DSE: variants seen among roughly 807,000 people sequenced by gnomAD.
DSE encodes dermatan sulfate epimerase, also known as dermatan-sulfate epimerase.
In DSE, 36 loss-of-function variants were observed where a neutral mutation model predicts 84.4. The ratio of observed to expected loss-of-function variants is 0.43; its 90% CI spans 0.33 to 0.56. The LOEUF (loss-of-function observed/expected upper bound fraction) is 0.56, where lower values mean the gene tolerates loss of function less well. Among genes scored for constraint, DSE ranks in the 20% least tolerant of loss-of-function variants. The probability of loss-of-function intolerance (pLI) is 0.06; values close to 1 mark genes in which losing one functional copy is unlikely to be tolerated. For synonymous variants in DSE, 410 were observed against 430.1 expected (o/e 0.95, Z 0.58); for missense variants, 862 against 1,169.6 (o/e 0.74, Z 3.84).
At chr6:116,394,809 C>A (rs1393267406) in intron 1 of DSE, among the ~76,000 whole-genome samples, 2 of 152,130 alleles carry the variant, frequency 1.3e-5, no homozygotes, top group Non-Finnish European at 2.9e-5. Flanking sequence ...AAGAGAATTT[C>A]AGGGGACATG....
At chr6:116,300,380 AAAG>A (rs1276006591) in intron 2 of DSE, among the ~76,000 whole-genome samples, 6 of 152,364 alleles carry the variant, frequency 3.9e-5, no homozygotes, top group Non-Finnish European at 5.9e-5. Context: ...TGCAAAAATG[AAAG>A]AAGAAAAGCC....
At chr6:116,418,864 A>G (rs1357543651) in intron 2 of DSE, among the ~76,000 whole-genome samples, 1 of 152,174 alleles carries the variant, frequency 6.6e-6, no homozygotes, top group East Asian at 1.9e-4. Context: ...CTCCTATCCA[A>G]ATTGCTTTTT....
In DSE at chr6:116,441,914, T is replaced by C. The variant is rs483981; in HGVS notation, c.*4569T>C. The stretch of plus-strand genomic sequence containing the variant: ...AATAGGAATAATAAAAGCTGGCCCT[T>C]GTATAGTTTATGTTCTAGTGGGAGC... On this transcript the variant is annotated 3_prime_UTR_variant, in exon 6 of 6. Transcript: ENST00000644252. The C allele has an allele frequency of 0.82, 124,547 of 152,152 alleles. 51,849 individuals carry two copies. The highest frequency in any genetic ancestry group is 0.95 in the African/African-American group (39,448 of 41,532). The allele number at this position is 152,152 out of a possible 1,614,324, so 9.4% of individuals were successfully genotyped here. A position where few individuals can be genotyped will look rare whatever the true frequency, so the allele number is the denominator to read the frequency against.
chr6:116,360,321 G>C (rs1434731901), intron 2 of DSE, among the ~76,000 whole-genome samples: 2 of 152,100 alleles, frequency 1.3e-5, no homozygotes, highest in Non-Finnish European at 2.9e-5. Context: ...AACACATCCT[G>C]CACATGTACC....
chr6:116,418,477 A>G (rs111252428), intron 2 of DSE, among the ~76,000 whole-genome samples: 215 of 152,262 alleles, frequency 1.4e-3, no homozygotes, highest in African/African-American at 5.0e-3. Context: ...CAGGGAGGGA[A>G]AGAGTTGTTC....
At chr6:116,421,102 C>T (rs1171522518) in intron 2 of DSE, among the ~76,000 whole-genome samples, 1 of 152,134 alleles carries the variant, frequency 6.6e-6, no homozygotes, top group African/African-American at 2.4e-5. Flanking sequence ...CATGACCAAA[C>T]TCTATGCCTT....
intron 1 of DSE, chr6:116,254,381 A>G (rs1441625776): frequency 6.2e-6 from 3 of 481,032 alleles, no homozygotes; most frequent in African/African-American, 3.9e-5. Flanking sequence ...TATTTACTTT[A>G]AGGTGAGTTA....
intron 2 of DSE, among the ~76,000 whole-genome samples, chr6:116,403,125 C>T (rs1005478976): frequency 6.6e-6 from 1 of 152,068 alleles, no homozygotes; most frequent in African/African-American, 2.4e-5. Context: ...AGTATCCAGA[C>T]GACTGGGCAC....
chr6:116,437,492 A>T lies in DSE; in HGVS notation c.*147A>T. ...AGATATTTTGACACAAGAAAGCAGG[A>T]ACGTGGAGAAATTGGAGCAGGAAAA... On this transcript the variant is annotated 3_prime_UTR_variant, in exon 6 of 6. Transcript: ENST00000644252. 2.7e-6 allele frequency: 2 copies of T among 728,618 alleles called. No homozygotes were observed. The highest frequency in any genetic ancestry group is 4.4e-5 in the South Asian group (2 of 45,444). 45.1% of individuals were successfully genotyped at this position (728,618 alleles called of 1,614,324 possible). A position where few individuals can be genotyped will look rare whatever the true frequency, so the allele number is the denominator to read the frequency against.
At chr6:116,393,897 C>G (rs1781070195) in intron 1 of DSE, among the ~76,000 whole-genome samples, 1 of 152,082 alleles carries the variant, frequency 6.6e-6, no homozygotes, top group East Asian at 1.9e-4. Flanking sequence ...ATAAACAGTC[C>G]CAGATCATTT....
At chr6:116,385,749 C>T (rs1208368141) in intron 1 of DSE, among the ~76,000 whole-genome samples, 2 of 150,596 alleles carry the variant, frequency 1.3e-5, no homozygotes, top group Non-Finnish European at 2.9e-5. Context: ...AGGTTTTCAT[C>T]TGTGTGATAA....
At chr6:116,381,000 T>C (rs1780188933) in intron 1 of DSE, among the ~76,000 whole-genome samples, 1 of 152,194 alleles carries the variant, frequency 6.6e-6, no homozygotes, top group Non-Finnish European at 1.5e-5. Context: ...TACTTTGTCA[T>C]TCTTATGCAA....
intron 2 of DSE, among the ~76,000 whole-genome samples, chr6:116,329,923 A>C (rs1407667501): frequency 6.6e-6 from 1 of 152,182 alleles, no homozygotes; most frequent in African/African-American, 2.4e-5. Flanking sequence ...TTCCGGATTC[A>C]AGTGATTGTC....
Position 116,426,831 on chromosome 6 carries a change from G to T in DSE, c.670+4G>T, listed in dbSNP as rs1783483456. On this transcript the variant is annotated splice_donor_region_variant and intron_variant, in intron 3 of 5. Coordinates refer to ENST00000644252, the MANE Select transcript of DSE (RefSeq NM_013352.4). ...AGCCTAGTCCTGATGAATCAAGGTG[G>T]GTGTGGACACAGCCAAGGTGATGCC... The T allele has an allele frequency of 6.2e-7, 1 of 1,606,512 alleles. No individual in the cohort carries two copies. The highest frequency in any genetic ancestry group is 8.5e-7 in the Non-Finnish European group (1 of 1,174,556).
At chr6:116,419,374 T>G (rs1203657687) in intron 2 of DSE, among the ~76,000 whole-genome samples, 1 of 152,252 alleles carries the variant, frequency 6.6e-6, no homozygotes, top group African/African-American at 2.4e-5. Context: ...AGTCATGTTT[T>G]TAAAAGGAGT....
intron 2 of DSE, among the ~76,000 whole-genome samples, chr6:116,335,325 G>T (rs1421335949): frequency 6.6e-6 from 1 of 152,112 alleles, no homozygotes; most frequent in Non-Finnish European, 1.5e-5. Context: ...GCTAAATGAT[G>T]AAACCATATA....
intron 2 of DSE, among the ~76,000 whole-genome samples, chr6:116,272,001 T>C (rs1772901788): frequency 6.6e-6 from 1 of 152,190 alleles, no homozygotes; most frequent in Non-Finnish European, 1.5e-5. Context: ...GAGGCTACCA[T>C]TCCTGGGATT....
intron 2 of DSE, among the ~76,000 whole-genome samples, chr6:116,323,146 C>T (rs1776425606): frequency 1.3e-5 from 2 of 152,288 alleles, no homozygotes; most frequent in Middle Eastern, 3.4e-3. Flanking sequence ...TCAGTGGAAA[C>T]ATTTCTCTCC....
intron 2 of DSE, among the ~76,000 whole-genome samples, chr6:116,263,131 T>C (rs1449234165): frequency 6.6e-6 from 1 of 152,162 alleles, no homozygotes; most frequent in African/African-American, 2.4e-5. Flanking sequence ...ATCAGGTTCA[T>C]TTGATTCAGT....
Sources: gnomAD v4.1 joint callset for allele counts (sites outside exome capture counted in the v4.1 genomes callset) on GRCh38, gnomAD v4.1.1 for gene constraint, MANE v1.5 for transcripts, NCBI Gene and HGNC (gene_info 2026-07-23, HGNC 2026-07-21) for gene names.